Variants in PTPRA observed in about 807,000 individuals in gnomAD.
The protein encoded by PTPRA is protein tyrosine phosphatase receptor type A.
PTPRA carries 25 observed loss-of-function variants against 104.8 expected under a neutral mutation model. That is an observed-to-expected ratio of 0.24 (90% CI 0.17 to 0.33). The LOEUF (loss-of-function observed/expected upper bound fraction) is 0.33, where lower values mean the gene tolerates loss of function less well. Among genes scored for constraint, PTPRA ranks in the 10% least tolerant of loss-of-function variants. PTPRA has a pLI of 1.00. For missense variants in PTPRA, 765 were observed against 1,015.3 expected (o/e 0.75, Z 3.35); for synonymous variants, 323 against 368.9 (o/e 0.88, Z 1.43).
At chr20:2,982,922 A>G (rs1460524395) in intron 6 of PTPRA, among the ~76,000 whole-genome samples, 2 of 151,172 alleles carry the variant, frequency 1.3e-5, no homozygotes, top group African/African-American at 4.8e-5. Context: ...CTGGTCTCGA[A>G]TTCTTGACCT....
chr20:2,865,274 C>T, the PTPRA span: 42 of 1,614,074 alleles, frequency 2.6e-5, no homozygotes, highest in Non-Finnish European at 3.4e-5. This position sits in a 1 kb window ranked among gnomAD's most constrained non-coding sequence, Gnocchi z 5.2. Context: ...TCACAACAAG[C>T]GTGCAGAGCA....
intron 3 of PTPRA, 142 bp downstream of exon 3, chr20:2,948,166 G>C: frequency 2.6e-6 from 1 of 379,820 alleles, no homozygotes. Context: ...GCATTTTACT[G>C]AGACCGATAC....
At chr20:2,920,968 A>T (rs2060075779) in intron 1 of PTPRA, among the ~76,000 whole-genome samples, 1 of 152,154 alleles carries the variant, frequency 6.6e-6, no homozygotes, top group Admixed American at 6.5e-5. Flanking sequence ...CTAGATTTTG[A>T]ATAGTTCTTG....
At chr20:2,910,159 CAT>C (rs143795663) in intron 1 of PTPRA, among the ~76,000 whole-genome samples, 48,795 of 111,522 alleles carry the variant, frequency 0.44, 10,618 homozygotes, top group East Asian at 0.64. Context: ...TACTATACGT[CAT>C]ATATAATATG....
At chr20:2,920,280 G>A (rs889257993) in intron 1 of PTPRA, among the ~76,000 whole-genome samples, 1 of 152,202 alleles carries the variant, frequency 6.6e-6, no homozygotes, top group African/African-American at 2.4e-5. Context: ...AGAGCTTGAG[G>A]CTGGAAATGG....
At chr20:2,925,018 T>C (rs2060244523) in intron 2 of PTPRA, among the ~76,000 whole-genome samples, 2 of 152,268 alleles carry the variant, frequency 1.3e-5, no homozygotes. Flanking sequence ...TATACATACT[T>C]TTCTCATGGT....
Position 3,022,090 on chromosome 20 carries a change from A to G in PTPRA, c.1198A>G (p.Ile400Val). The G allele has an allele frequency of 6.2e-7, 1 of 1,614,222 alleles. No individual in the cohort carries two copies. The highest frequency in any genetic ancestry group is 8.5e-7 in the Non-Finnish European group (1 of 1,180,024). The change falls in exon 15 of 24, where the codon ATC becomes GTC. Residue 400 changes from isoleucine to valine, a missense_variant. Ile to Val is a conservative substitution (Grantham distance 29, BLOSUM62 3). Around this residue, in one of 4 missense-constraint regions of PTPRA, gnomAD observed 245 missense variants for 398.7 expected, o/e 0.61. Transcript: ENST00000399903. This position sits in a 1 kb window ranked among gnomAD's most constrained non-coding sequence, Gnocchi z 4.6. The stretch of plus-strand genomic sequence containing the variant: ...GACCAACAGAAAGCCACAGCGCCTC[A>G]TCACTCAGTTCCACTTTACCAGCTG... ...DMTNRKPQRL[I>V]TQFHFTSWPD...
chr20:2,899,720 C>T (rs2059155347), intron 1 of PTPRA, among the ~76,000 whole-genome samples: 1 of 152,112 alleles, frequency 6.6e-6, no homozygotes, highest in Non-Finnish European at 1.5e-5. Context: ...TCTGTATCTT[C>T]CTGTAAATAA....
chr20:2,955,780 A>G (rs2061514689), intron 3 of PTPRA: 1 of 682,932 alleles, frequency 1.5e-6, no homozygotes, highest in Non-Finnish European at 1.8e-6. Context: ...TGGCTAGCTC[A>G]TTGCTGCTTT....
At chr20:2,913,342 C>T (rs1196445418) in intron 1 of PTPRA, among the ~76,000 whole-genome samples, 1 of 152,174 alleles carries the variant, frequency 6.6e-6, no homozygotes, top group Non-Finnish European at 1.5e-5. Context: ...TGTGTCACTG[C>T]ATTCCAGCCT....
chr20:2,921,128 G>C (rs560887723), intron 1 of PTPRA, among the ~76,000 whole-genome samples: 1 of 152,090 alleles, frequency 6.6e-6, no homozygotes, highest in Non-Finnish European at 1.5e-5. Flanking sequence ...GGTTACTGTC[G>C]TTCTGTCTGG....
rs1002545077 is a variant in PTPRA, at chr20:2,922,330, GT to G, written c.-128-873del. Among the ~76,000 whole-genome samples the G allele has an allele frequency of 6.1e-4, 93 of 152,228 alleles. 1 individual carries two copies. The highest frequency in any genetic ancestry group is 2.1e-3 in the African/African-American group (88 of 41,544). ...CAATCCATAATGTTTAAATAGGGCT[GT>G]TTTATTGATTGATTGATTGATTGAT... On this transcript the variant is annotated intron_variant, in intron 1 of 23. Coordinates refer to ENST00000399903, the MANE Select transcript of PTPRA (RefSeq NM_001385305.1).
intron 3 of PTPRA, among the ~76,000 whole-genome samples, chr20:2,948,278 C>T (rs2061213226): frequency 6.6e-6 from 1 of 152,214 alleles, no homozygotes; most frequent in Non-Finnish European, 1.5e-5. Context: ...GTGAAATTAG[C>T]TTCTTGGAGC....
At chr20:2,982,582 A>AG (rs1401317366) in intron 6 of PTPRA, among the ~76,000 whole-genome samples, 2 of 152,222 alleles carry the variant, frequency 1.3e-5, no homozygotes, top group Non-Finnish European at 2.9e-5. Context: ...TATGCTATAA[A>AG]GGAGGGATAT....
intron 1 of PTPRA, among the ~76,000 whole-genome samples, chr20:2,911,637 A>G (rs2059726192): frequency 6.6e-6 from 1 of 152,228 alleles, no homozygotes; most frequent in African/African-American, 2.4e-5. Flanking sequence ...TATGCTGAGC[A>G]TGGCTGGAAA....
intron 11 of PTPRA, among the ~76,000 whole-genome samples, chr20:3,012,230 C>T (rs1161203329): frequency 1.3e-5 from 2 of 152,154 alleles, no homozygotes; most frequent in Non-Finnish European, 2.9e-5. Flanking sequence ...AGTGTGACCA[C>T]ATTTACATAT....
At chr20:2,947,933 C>T (rs781232875) in intron 2 of PTPRA, 49 bp from the exon 3 acceptor site, 21 of 846,574 alleles carry the variant, frequency 2.5e-5, no homozygotes, top group South Asian at 2.3e-4. Context: ...GAATGCTTCA[C>T]ATAACCTAGA....
chr20:2,927,958 C>T (rs2060365911), intron 2 of PTPRA, among the ~76,000 whole-genome samples: 1 of 151,852 alleles, frequency 6.6e-6, no homozygotes. Flanking sequence ...TGCAGTGAGC[C>T]AAGATCATAC....
At chr20:2,890,732 T>C (rs977693484) in intron 1 of PTPRA, among the ~76,000 whole-genome samples, 4 of 152,218 alleles carry the variant, frequency 2.6e-5, no homozygotes, top group African/African-American at 9.6e-5. Context: ...CTGAGTTATG[T>C]GACACATTCT....
Sources: gnomAD v4.1 joint callset for allele counts (sites outside exome capture counted in the v4.1 genomes callset) on GRCh38, gnomAD v4.1.1 for gene constraint, gnomAD v4.1.1 regional missense constraint, Gnocchi (gnomAD v3.1) non-coding constraint, MANE v1.5 for transcripts, NCBI Gene and HGNC (gene_info 2026-07-23, HGNC 2026-07-21) for gene names.